GPAM: variants seen among roughly 807,000 people sequenced by gnomAD.
GPAM encodes the protein glycerol-3-phosphate acyltransferase 1, mitochondrial.
GPAM carries 56 observed loss-of-function variants against 105.0 expected under a neutral mutation model. The ratio of observed to expected loss-of-function variants is 0.53; its 90% confidence interval spans 0.43 to 0.67. The LOEUF (loss-of-function observed/expected upper bound fraction) is 0.67. Ranked by LOEUF, GPAM falls within the 30% of genes least tolerant of loss-of-function variation. The probability of loss-of-function intolerance (pLI) is 0.00; values close to 1 mark genes in which losing one functional copy is unlikely to be tolerated. For synonymous variants in GPAM, 368 were observed against 354.4 expected, an observed-to-expected ratio of 1.04 and a Z score of -0.43; for missense variants, 855 against 989.8, an observed-to-expected ratio of 0.86 and a Z score of 1.83.
At chr10:112,154,242 C>A (rs748153887) in intron 21 of GPAM, 52 of 248,844 alleles carry the variant, frequency 2.1e-4, no homozygotes, top group Middle Eastern at 1.5e-3. Flanking sequence ...GGATTAGAGA[C>A]GCTCAACCTG....
In GPAM at chr10:112,166,416, G is replaced by T. The variant is rs1284792820; in HGVS notation, c.1207C>A (p.Pro403Thr). The change falls in exon 12 of 22, where the codon CCA (proline) becomes ACA (threonine). Residue 403 changes from proline (P) to threonine (T), a missense_variant. Coordinates refer to ENST00000348367, the MANE Select transcript of GPAM (RefSeq NM_001244949.2). The stretch of plus-strand genomic sequence containing the variant: ...CAGACACTCACCTTTAAGGAAAATG[G>T]CTGTGCAAAATCCACTCGGACACAA... ...YGCVRVDFAQ[P>T]FSLKEYLESQ... 3.8e-6 allele frequency: 6 copies of T among 1,580,542 alleles called. No homozygotes were observed. The highest frequency in any genetic ancestry group is 5.2e-6 in the Non-Finnish European group (6 of 1,149,582).
Position 112,153,336 on chromosome 10 carries a change from G to A in GPAM, c.*214C>T. ...ATTATGAGTTGCGAATAGAGGCTGA[G>A]GTCCCCCCAAGTGTTATCTGCAGGC... On this transcript the variant is annotated 3_prime_UTR_variant, in exon 22 of 22. Transcript: ENST00000348367. The A allele has an allele frequency of 6.9e-7, 1 of 1,452,892 alleles. No homozygotes were observed. Among genetic ancestry groups the A allele is most frequent in the Non-Finnish European group, 9.0e-7 (1 of 1,106,664 alleles). The allele number at this position is 1,452,892 out of a possible 1,614,324, so 90.0% of individuals were successfully genotyped here.
In GPAM at chr10:112,169,096, T is replaced by C. The variant is rs535788964; in HGVS notation, c.795-144A>G. 14 of 643,522 alleles carry C rather than the reference T, an allele frequency of 2.2e-5. No individual in the cohort carries two copies. In the Admixed American group the frequency reaches 2.5e-4, roughly 11 times the overall value. The allele number at this position is 643,522 out of a possible 1,614,324, so 39.9% of individuals were successfully genotyped here. A position where few individuals can be genotyped will look rare whatever the true frequency, so the allele number is the denominator to read the frequency against. On this transcript the variant is annotated intron_variant, in intron 9 of 21. Coordinates refer to ENST00000348367, the MANE Select transcript of GPAM (RefSeq NM_001244949.2). ...CTGACAGTAAAAATGCAGGCATTTTTTTCATTTTCCATATTATCGACATGT... is the reference window on the plus strand; with the variant it reads ...CTGACAGTAAAAATGCAGGCATTTTCTTCATTTTCCATATTATCGACATGT...
intron 21 of GPAM, 72 bp from the exon 22 acceptor site, chr10:112,153,738 C>T (rs987772123): frequency 1.8e-5 from 28 of 1,550,530 alleles, no homozygotes; most frequent in Non-Finnish European, 3.5e-6. Context: ...ACCAACCTGA[C>T]CTGTGGTGTC....
At chr10:112,214,449 G>A (rs1259800762) in intron 1 of GPAM, 1 of 152,140 alleles carries the variant, frequency 6.6e-6, no homozygotes, top group East Asian at 1.9e-4. Flanking sequence ...CTTTTCTGCT[G>A]TCTTTGATCT....
chr10:112,173,642 TA>T, intron 7 of GPAM, 56 bp downstream of exon 7: 1 of 1,532,640 alleles, frequency 6.5e-7, no homozygotes, highest in Non-Finnish European at 9.0e-7. Flanking sequence ...AATTCAGTCT[TA>T]TTTGCTCAAA....
At chr10:112,161,087 A>C (rs1453036061) in intron 15 of GPAM, among the ~76,000 whole-genome samples, 2 of 152,144 alleles carry the variant, frequency 1.3e-5, no homozygotes, top group Non-Finnish European at 2.9e-5. Flanking sequence ...GCTAGTGAAC[A>C]CTCTAGCCAT....
intron 1 of GPAM, among the ~76,000 whole-genome samples, chr10:112,206,877 A>G: frequency 6.6e-6 from 1 of 151,684 alleles, no homozygotes; most frequent in Non-Finnish European, 1.5e-5. Flanking sequence ...TATCTTCTTC[A>G]CTCTACCTCC....
intron 13 of GPAM, 41 bp from the exon 14 acceptor site, chr10:112,163,857 T>C: frequency 2.2e-6 from 2 of 892,470 alleles, no homozygotes; most frequent in Non-Finnish European, 3.8e-6. Context: ...CCGCACTCTT[T>C]TACAAGGCAA....
chr10:112,173,092 A>T (rs201605361), intron 7 of GPAM, 26 bp from the exon 8 acceptor site: 1 of 1,316,740 alleles, frequency 7.6e-7, no homozygotes, highest in Admixed American at 1.7e-5. Flanking sequence ...AACAAAAAAA[A>T]CAACATAAAT....
chr10:112,172,267 G>A lies in GPAM; in HGVS notation c.709C>T (p.Leu237=). Residue 237 remains leucine, a synonymous_variant, in exon 9 of 22, where the codon CTG becomes TTG. Transcript: ENST00000348367. ...LPVHRSHIDY[L]LLTFILFCHN... The stretch of plus-strand genomic sequence containing the variant: ...CAGAAGAGAATGAAAGTGAGCAGCA[G>A]ATAGTCAATATGGGATCTATGAACT... 1.2e-6 allele frequency: 2 copies of A among 1,610,030 alleles called. No individual in the cohort carries two copies. Among genetic ancestry groups the A allele is most frequent in the Non-Finnish European group, 1.7e-6 (2 of 1,176,326 alleles).
chr10:112,179,272 C>A (rs1014012685), intron 4 of GPAM, among the ~76,000 whole-genome samples: 17 of 152,138 alleles, frequency 1.1e-4, no homozygotes, highest in African/African-American at 4.1e-4. Context: ...TACTCCAAAC[C>A]ATTACCACCA....
chr10:112,208,550 TC>T (rs1398301755), intron 1 of GPAM, among the ~76,000 whole-genome samples: 1 of 152,002 alleles, frequency 6.6e-6, no homozygotes, highest in Non-Finnish European at 1.5e-5. Context: ...TTTGAATAGA[TC>T]AACTCTGCCA....
In GPAM at chr10:112,155,978, T is replaced by C. The variant is rs1847010606; in HGVS notation, c.2197A>G (p.Ser733Gly). 5.6e-6 allele frequency: 9 copies of C among 1,611,592 alleles called. No individual in the cohort carries two copies. The highest frequency in any genetic ancestry group is 7.6e-6 in the Non-Finnish European group (9 of 1,177,736). ...TTGTGAACAAAGATGGCAGCAGAGC[T>C]GTAGGCCTCCAGCAAAGGCCCAAGG... ...RLLGPLLEAY[S>G]SAAIFVHNFS... is the part of the protein sequence containing the mutation. The change falls in exon 20 of 22, where the codon AGC becomes GGC. Residue 733 changes from serine to glycine, a missense_variant. Transcript: ENST00000348367.
chr10:112,173,181 T>A, intron 7 of GPAM, 115 bp from the exon 8 acceptor site: 1 of 720,864 alleles, frequency 1.4e-6, no homozygotes, highest in South Asian at 1.5e-5. Flanking sequence ...AACCTCAAAG[T>A]ACTTGTAAAT....
chr10:112,154,821 CT>C, intron 20 of GPAM, 134 bp from the exon 21 acceptor site: 1 of 724,730 alleles, frequency 1.4e-6, no homozygotes. Flanking sequence ...TGGGGCCCCA[CT>C]TCCACCACTG....
chr10:112,183,424 T>C (rs1179726859), intron 1 of GPAM, among the ~76,000 whole-genome samples: 1 of 152,208 alleles, frequency 6.6e-6, no homozygotes, highest in African/African-American at 2.4e-5. Flanking sequence ...CGCGTGCAGA[T>C]ACTTAGGGGA....
chr10:112,173,301 G>C (rs1847345627), intron 7 of GPAM, among the ~76,000 whole-genome samples: 1 of 152,074 alleles, frequency 6.6e-6, no homozygotes, highest in African/African-American at 2.4e-5. Context: ...ATAGACTACA[G>C]TCATAGTTCA....
chr10:112,223,143 C>T, the GPAM span, among the ~76,000 whole-genome samples: 156 of 152,302 alleles, frequency 1.0e-3, no homozygotes, highest in African/African-American at 3.6e-3. Context: ...TGACCTAATC[C>T]TTCCTTTGCT....
Sources: allele counts gnomAD v4.1 joint callset (sites outside exome capture counted in the v4.1 genomes callset), GRCh38; gene constraint gnomAD v4.1.1; transcripts MANE v1.5; gene names NCBI Gene and HGNC (gene_info 2026-07-23, HGNC 2026-07-21).